The following HEATR5B variants were observed in gnomAD, a reference collection of about 807,000 sequenced individuals.
The protein encoded by HEATR5B is HEAT repeat containing 5B, also known as HEAT repeat-containing protein 5B.
In HEATR5B, 156 loss-of-function variants were observed where a neutral mutation model predicts 224.1. The observed-to-expected ratio is 0.70, with a 90% CI of 0.61 to 0.80. The LOEUF is 0.80. Ranked by LOEUF, HEATR5B falls within the 30% of genes least tolerant of loss-of-function variation. The pLI is 0.00. For synonymous variants in HEATR5B, 1,027 were observed against 893.0 expected, an observed-to-expected ratio of 1.15 and a Z score of -2.68; for missense variants, 2,323 against 2,535.5, an observed-to-expected ratio of 0.92 and a Z score of 1.80.
At chr2:37,002,911 T>C (rs960136853) in intron 31 of HEATR5B, among the ~76,000 whole-genome samples, 1 of 152,210 alleles carries the variant, frequency 6.6e-6, no homozygotes, top group Admixed American at 6.5e-5. Context: ...TCCTTTCTAA[T>C]GAAAATAAAA....
intron 2 of HEATR5B, 132 bp downstream of exon 2, chr2:37,083,157 C>A (rs1474123644): frequency 2.1e-6 from 2 of 968,234 alleles, no homozygotes; most frequent in Non-Finnish European, 3.2e-6. Context: ...CTAAATTTCC[C>A]ATTCGTGTAA....
intron 5 of HEATR5B, 37 bp downstream of exon 5, chr2:37,075,448 G>A: frequency 6.5e-7 from 1 of 1,527,614 alleles, no homozygotes; most frequent in Admixed American, 2.1e-5. Context: ...GAGCAAGAAG[G>A]ATAAAGAGCA....
intron 23 of HEATR5B, 136 bp downstream of exon 23, chr2:37,028,545 G>GATTTGTAGATCAA: frequency 1.6e-6 from 1 of 634,726 alleles, no homozygotes; most frequent in Non-Finnish European, 2.5e-6. Context: ...TTTTGACAGA[G>GATTTGTAGATCAA]ATTTGTAGAT....
At chr2:36,982,983 C>CTT (rs1665687212) in intron 35 of HEATR5B, among the ~76,000 whole-genome samples, 1 of 151,480 alleles carries the variant, frequency 6.6e-6, no homozygotes. Context: ...GATCAGGGAC[C>CTT]TTTGCCTGTT....
chr2:36,987,998 G>A (rs979289486), intron 35 of HEATR5B, among the ~76,000 whole-genome samples: 3 of 151,914 alleles, frequency 2.0e-5, no homozygotes, highest in African/African-American at 7.3e-5. Flanking sequence ...TTTCAGTGCA[G>A]GAGGCAGAGG....
At position 37,027,931 on chromosome 2, in the gene HEATR5B, T is replaced by C. The variant is rs754794964; in HGVS notation, c.3845A>G (p.Asn1282Ser). ...ACTGATTTTAAATTTACTTGTAGGGTTTCGAAGTTTAGCAGAACGTGCCAA... is the reference window on the plus strand; with the variant it reads ...ACTGATTTTAAATTTACTTGTAGGGCTTCGAAGTTTAGCAGAACGTGCCAA... ...LALARSAKLR[N>S]PTNDLLVLHL... The change falls in exon 24 of 36, where the codon AAC (asparagine) becomes AGC (serine). Residue 1282 changes from asparagine (N) to serine (S), a missense_variant. Around this residue, in one of 12 missense-constraint regions of HEATR5B, gnomAD observed 339 missense variants for 378.4 expected, o/e 0.90. Transcript: ENST00000233099. 1.2e-6 allele frequency: 2 copies of C among 1,613,210 alleles called. No individual in the cohort carries two copies. Among genetic ancestry groups the C allele is most frequent in the Non-Finnish European group, 1.7e-6 (2 of 1,179,330 alleles).
intron 26 of HEATR5B, among the ~76,000 whole-genome samples, chr2:37,017,230 C>CA (rs1462723696): frequency 6.6e-6 from 1 of 152,050 alleles, no homozygotes; most frequent in Non-Finnish European, 1.5e-5. Flanking sequence ...ACCAAAAATA[C>CA]AAAAATTAGC....
At chr2:37,065,069 A>G (rs1671508380) in intron 9 of HEATR5B, 79 bp from the exon 10 acceptor site, 6 of 1,402,290 alleles carry the variant, frequency 4.3e-6, no homozygotes, top group East Asian at 4.9e-5. Flanking sequence ...CTAAAAAACA[A>G]TAACTGAAAT....
chr2:37,040,373 C>T lies in HEATR5B; in HGVS notation c.3002G>A (p.Arg1001Gln). 6.2e-7 allele frequency: 1 copy of T among 1,613,832 alleles called. No homozygotes were observed. Among genetic ancestry groups the T allele is most frequent in the Non-Finnish European group, 8.5e-7 (1 of 1,179,894 alleles). Residue 1001 changes from arginine to glutamine, a missense_variant, in exon 20 of 36, where the codon CGA becomes CAA. This residue lies in a region of HEATR5B where 22 missense variants were observed against 46.9 expected (regional missense o/e 0.47). Transcript: ENST00000233099. ...SHTEVHQCLG[R>Q]CLGAIITTVG... Reference sequence around the variant, plus strand: ...AGTAGTTATTATAGCACCCAAGCATCGACCCAAACACTGATGAACTTCTGT... The same window carrying T: ...AGTAGTTATTATAGCACCCAAGCATTGACCCAAACACTGATGAACTTCTGT...
At position 37,016,782 on chromosome 2, in the gene HEATR5B, GT is replaced by G. The variant is rs1182046231; in HGVS notation, c.4105-2763del. ...AAAACGTTTTAAAAGTGGAGAATAAGTATTTATGTCAAATTTTATTCTCAAA... is the reference window on the plus strand; with the variant it reads ...AAAACGTTTTAAAAGTGGAGAATAAGATTTATGTCAAATTTTATTCTCAAA... On this transcript the variant is annotated intron_variant, in intron 26 of 35. Transcript: ENST00000233099. Among the ~76,000 whole-genome samples, 583 of 152,216 alleles carry G rather than the reference GT, an allele frequency of 3.8e-3. 2 individuals are homozygous for G. Among genetic ancestry groups the G allele is most frequent in the African/African-American group, 0.013 (560 of 41,536 alleles).
chr2:37,055,597 A>G (rs1196460934), intron 16 of HEATR5B, among the ~76,000 whole-genome samples: 1 of 152,224 alleles, frequency 6.6e-6, no homozygotes, highest in Non-Finnish European at 1.5e-5. Context: ...AAAAGCAATT[A>G]ATCAAGCAAC....
At chr2:37,029,959 A>ATAAATAAG in intron 22 of HEATR5B, among the ~76,000 whole-genome samples, 1 of 151,588 alleles carries the variant, frequency 6.6e-6, no homozygotes, top group South Asian at 2.1e-4. Context: ...AAATAAATAA[A>ATAAATAAG]TAAATAAATA....
At chr2:37,060,461 G>C (rs1458916839) in intron 12 of HEATR5B, 120 bp downstream of exon 12, 1 of 785,512 alleles carries the variant, frequency 1.3e-6, no homozygotes, top group African/African-American at 1.8e-5. Flanking sequence ...AAATCTAAAA[G>C]CCTATGAATT....
chr2:37,059,134 C>G, intron 12 of HEATR5B, 147 bp from the exon 13 acceptor site: 1 of 450,764 alleles, frequency 2.2e-6, no homozygotes, highest in East Asian at 3.5e-5. Flanking sequence ...AAAAGAAAAA[C>G]TTGCAACAAC....
intron 3 of HEATR5B, among the ~76,000 whole-genome samples, chr2:37,078,895 C>T (rs1672386132): frequency 6.6e-6 from 1 of 152,202 alleles, no homozygotes; most frequent in African/African-American, 2.4e-5. Context: ...TTTCCAACTA[C>T]CTATTTTACA....
At chr2:37,075,791 T>G in intron 4 of HEATR5B, 157 bp from the exon 5 acceptor site, 1 of 470,640 alleles carries the variant, frequency 2.1e-6, no homozygotes, top group Non-Finnish European at 3.7e-6. Flanking sequence ...TTCTAGAAAG[T>G]ACCTGGCAAG....
intron 10 of HEATR5B, among the ~76,000 whole-genome samples, chr2:37,063,742 TAC>T (rs1418058231): frequency 2.0e-5 from 3 of 152,140 alleles, no homozygotes; most frequent in Admixed American, 1.3e-4. Flanking sequence ...CACTTAAGAT[TAC>T]TGAGAAGAAA....
intron 18 of HEATR5B, among the ~76,000 whole-genome samples, chr2:37,042,967 T>C (rs752485062): frequency 1.3e-5 from 2 of 151,696 alleles, no homozygotes; most frequent in African/African-American, 2.4e-5. Context: ...ACCCATCAAT[T>C]TGAGAGAAAA....
intron 30 of HEATR5B, 133 bp downstream of exon 30, chr2:37,005,499 A>G: frequency 2.5e-6 from 2 of 803,352 alleles, no homozygotes; most frequent in South Asian, 3.4e-5. Context: ...GGGTGAATAA[A>G]TACAGGGAGT....
Sources: allele counts gnomAD v4.1 joint callset (sites outside exome capture counted in the v4.1 genomes callset), GRCh38; gene constraint gnomAD v4.1.1; regional missense constraint gnomAD v4.1.1; transcripts MANE v1.5; gene names NCBI Gene and HGNC (gene_info 2026-07-23, HGNC 2026-07-21).